AKAP13: variants seen among roughly 807,000 people sequenced by gnomAD.
AKAP13 encodes the protein A-kinase anchor protein 13.
In AKAP13, 80 loss-of-function variants were observed where a neutral mutation model predicts 264.5. The observed-to-expected ratio is 0.30, with a 90% CI of 0.25 to 0.36. The LOEUF (loss-of-function observed/expected upper bound fraction) is 0.36. AKAP13 is among the 10% of genes least tolerant of loss of function. AKAP13 has a pLI of 1.00. For synonymous variants in AKAP13, 1,380 were observed against 1,250.2 expected (o/e 1.10, Z -2.19); for missense variants, 3,712 against 3,435.2 (o/e 1.08, Z -2.01).
chr15:85,668,072 G>A (rs1453178707), intron 13 of AKAP13, among the ~76,000 whole-genome samples: 1 of 152,124 alleles, frequency 6.6e-6, no homozygotes, highest in Non-Finnish European at 1.5e-5. Context: ...TGAGCTGCTT[G>A]TTTCACTCTG....
At chr15:85,521,012 A>AT (rs2076803931) in intron 2 of AKAP13, among the ~76,000 whole-genome samples, 1 of 152,238 alleles carries the variant, frequency 6.6e-6, no homozygotes, top group Non-Finnish European at 1.5e-5. Context: ...GGAACACAGG[A>AT]GTTAAGGAGC....
At chr15:85,721,928 T>G (rs1219604061) in intron 23 of AKAP13, 63 bp from the exon 24 acceptor site, 5 of 1,594,262 alleles carry the variant, frequency 3.1e-6, no homozygotes, top group Non-Finnish European at 4.3e-6. Flanking sequence ...TGGAAACATT[T>G]TACAAAATGG....
At chr15:85,565,493 T>C (rs1195914840) in intron 5 of AKAP13, among the ~76,000 whole-genome samples, 1 of 152,232 alleles carries the variant, frequency 6.6e-6, no homozygotes, top group Non-Finnish European at 1.5e-5. Flanking sequence ...AGGTAAATTT[T>C]AGATACCCAG....
chr15:85,656,591 C>T (rs1175355324), intron 11 of AKAP13, among the ~76,000 whole-genome samples: 3 of 152,268 alleles, frequency 2.0e-5, no homozygotes, highest in African/African-American at 2.4e-5. Flanking sequence ...GGACTACAGG[C>T]GCCCGCCACC....
intron 2 of AKAP13, among the ~76,000 whole-genome samples, chr15:85,487,012 G>A (rs1329214632): frequency 5.3e-5 from 8 of 152,118 alleles, no homozygotes; most frequent in Admixed American, 1.3e-4. Flanking sequence ...GATTACAGGC[G>A]TGAGCCACAG....
At chr15:85,726,936 C>G (rs2087653941) in intron 27 of AKAP13, 130 bp from the exon 28 acceptor site, 3 of 951,212 alleles carry the variant, frequency 3.2e-6, no homozygotes, top group Non-Finnish European at 4.7e-6. Flanking sequence ...TCTCTTTATC[C>G]TAAAGTAGCC....
chr15:85,613,258 C>G (rs928132086), intron 8 of AKAP13, among the ~76,000 whole-genome samples: 37 of 152,236 alleles, frequency 2.4e-4, no homozygotes, highest in African/African-American at 8.2e-4. Flanking sequence ...TAGGAGAATG[C>G]CATACATTTA....
intron 15 of AKAP13, 32 bp from the exon 16 acceptor site, chr15:85,684,709 T>A (rs1567194083): frequency 5.7e-6 from 9 of 1,586,748 alleles, no homozygotes; most frequent in Middle Eastern, 1.7e-4. Context: ...TGTAGCCCTT[T>A]AAAAAAAATC....
chr15:85,393,784 T>C (rs933899285), intron 1 of AKAP13, among the ~76,000 whole-genome samples: 2 of 152,230 alleles, frequency 1.3e-5, no homozygotes, highest in Non-Finnish European at 2.9e-5. Context: ...AACATAACTC[T>C]AGTTTTATTA....
At chr15:85,474,115 A>G (rs2075063562) in intron 1 of AKAP13, among the ~76,000 whole-genome samples, 1 of 152,220 alleles carries the variant, frequency 6.6e-6, no homozygotes, top group Admixed American at 6.5e-5. Flanking sequence ...CCCAACTGTA[A>G]ACATGGGTTT....
At chr15:85,602,953 C>T (rs1293645768) in intron 8 of AKAP13, among the ~76,000 whole-genome samples, 1 of 152,194 alleles carries the variant, frequency 6.6e-6, no homozygotes, top group East Asian at 1.9e-4. Flanking sequence ...CTAGTCTCAT[C>T]AGAAATGTCT....
At position 85,717,409 on chromosome 15, in the gene AKAP13, G is replaced by C; in HGVS notation, c.5848+7G>C. 1 of 1,589,252 alleles carries C rather than the reference G, an allele frequency of 6.3e-7. No homozygotes were observed. The highest frequency in any genetic ancestry group is 8.6e-7 in the Non-Finnish European group (1 of 1,158,696). The stretch of plus-strand genomic sequence containing the variant: ...GAATCACTTACTGATGAGGGTAAGA[G>C]GAAGTTATGGCCTTTATTTTATGCC... On this transcript the variant is annotated splice_region_variant and intron_variant, in intron 21 of 36. Coordinates refer to ENST00000394518, the MANE Select transcript of AKAP13 (RefSeq NM_007200.5).
At chr15:85,660,927 CA>C (rs2083314281) in intron 12 of AKAP13, among the ~76,000 whole-genome samples, 1 of 152,140 alleles carries the variant, frequency 6.6e-6, no homozygotes, top group African/African-American at 2.4e-5. Flanking sequence ...TTTCTCCAGC[CA>C]AAAACCCCAC....
chr15:85,380,918 G>T (rs1265706195), intron 1 of AKAP13, 120 bp downstream of exon 1: 1 of 152,096 alleles, frequency 6.6e-6, no homozygotes, highest in Admixed American at 6.5e-5. Context: ...GAGGGGCGGG[G>T]GCTGCGGGGG....
chr15:85,532,008 A>G (rs937332260), intron 3 of AKAP13, among the ~76,000 whole-genome samples: 2 of 152,226 alleles, frequency 1.3e-5, no homozygotes, highest in Non-Finnish European at 2.9e-5. Flanking sequence ...GACTCTGAAT[A>G]ATGAATTCTG....
At chr15:85,645,742 AGGAAGT>A in intron 9 of AKAP13, 70 bp from the exon 10 acceptor site, 2 of 1,455,202 alleles carry the variant, frequency 1.4e-6, no homozygotes, top group Admixed American at 4.6e-5. Flanking sequence ...TGGGGTGAAA[AGGAAGT>A]GGTTCTTTTT....
In AKAP13 at chr15:85,581,639, G is replaced by A; in HGVS notation, c.3571G>A (p.Val1191Ile). Residue 1191 changes from valine (V) to isoleucine (I), a missense_variant, in exon 7 of 37, where the codon GTT becomes ATT. Val to Ile is a conservative substitution (Grantham distance 29). Transcript: ENST00000394518. The stretch of plus-strand genomic sequence containing the variant: ...AGCACATCCTGTCCTACTGCAGCCT[G>A]TTGCCAAGGAGCTCCCCACAGACAT... ...DEAHPVLLQP[V>I]AKELPTDMEL... 3 of 1,614,194 alleles carry A rather than the reference G, an allele frequency of 1.9e-6. No homozygotes were observed. Among genetic ancestry groups the A allele is most frequent in the Non-Finnish European group, 2.5e-6 (3 of 1,180,038 alleles).
chr15:85,556,587 G>T (rs971896269), intron 5 of AKAP13, among the ~76,000 whole-genome samples: 2 of 152,096 alleles, frequency 1.3e-5, no homozygotes, highest in South Asian at 2.1e-4. Flanking sequence ...TTCCTACCAG[G>T]ACTCACAAAG....
chr15:85,581,069 G>T lies in AKAP13; in HGVS notation c.3001G>T (p.Val1001Leu). Residue 1001 changes from valine to leucine, a missense_variant, in exon 7 of 37, where the codon GTG (valine) becomes TTG (leucine). Physicochemically the swap from Val to Leu is conservative, Grantham distance 32 (BLOSUM62 1). Transcript: ENST00000394518. ...LKAETEHNKE[V>L]APQVSLLTQG... ...GGCAGAAACTGAACATAACAAGGAAGTGGCCCCACAAGTCTCACTGCTGAC... is the reference window on the plus strand; with the variant it reads ...GGCAGAAACTGAACATAACAAGGAATTGGCCCCACAAGTCTCACTGCTGAC... The T allele has an allele frequency of 1.2e-6, 2 of 1,614,046 alleles. No individual in the cohort carries two copies. Among genetic ancestry groups the T allele is most frequent in the Non-Finnish European group, 8.5e-7 (1 of 1,179,978 alleles).
Sources: gnomAD v4.1 joint callset for allele counts (sites outside exome capture counted in the v4.1 genomes callset) on GRCh38, gnomAD v4.1.1 for gene constraint, MANE v1.5 for transcripts, NCBI Gene and HGNC (gene_info 2026-07-23, HGNC 2026-07-21) for gene names.